AGAP3: variants seen among roughly 807,000 people sequenced by gnomAD.
AGAP3 encodes arf-GAP with GTPase, ANK repeat and PH domain-containing protein 3.
AGAP3 carries 24 observed loss-of-function variants against 96.9 expected under a neutral mutation model. The observed-to-expected ratio is 0.25, with a 90% CI of 0.18 to 0.35. AGAP3 has a LOEUF of 0.35. Among genes scored for constraint, AGAP3 ranks in the 10% least tolerant of loss-of-function variants. The probability of loss-of-function intolerance (pLI) is 1.00; values close to 1 mark genes in which losing one functional copy is unlikely to be tolerated. For missense variants in AGAP3, 876 were observed against 1,254.2 expected (o/e 0.70, Z 4.55); for synonymous variants, 563 against 536.1 (o/e 1.05, Z -0.69).
chr7:151,111,800 C>G (rs900018540), intron 1 of AGAP3, among the ~76,000 whole-genome samples: 1 of 152,134 alleles, frequency 6.6e-6, no homozygotes, highest in South Asian at 2.1e-4. Flanking sequence ...TCTTAGTCCC[C>G]CAGAAACTGC....
At chr7:151,116,880 G>A (rs372870687) in intron 2 of AGAP3, 29 bp downstream of exon 2, 86 of 1,606,602 alleles carry the variant, frequency 5.4e-5, no homozygotes, top group African/African-American at 4.7e-4. Context: ...CAGCACCGGC[G>A]GCCTGGAGCT....
At position 151,118,725 on chromosome 7, in the gene AGAP3, C is replaced by T. The variant is rs1799719479; in HGVS notation, c.969+93C>T. On this transcript the variant is annotated intron_variant, in intron 7 of 17. Transcript: ENST00000397238. The surrounding 1 kb of genome is among the most constrained non-coding windows in gnomAD (Gnocchi z 6.1). The stretch of plus-strand genomic sequence containing the variant: ...CACTTCTGCTGGCCTCCTGCTCACA[C>T]CTGTCCACCTTCCTCTGGCCTCCCA... The T allele has an allele frequency of 3.4e-6, 5 of 1,486,340 alleles. No homozygotes were observed. The highest frequency in any genetic ancestry group is 4.6e-6 in the Non-Finnish European group (5 of 1,088,940). 92.1% of individuals were successfully genotyped at this position (1,486,340 alleles called of 1,614,324 possible).
At chr7:151,119,651 G>A (rs1468727362) in intron 7 of AGAP3, among the ~76,000 whole-genome samples, 1 of 152,188 alleles carries the variant, frequency 6.6e-6, no homozygotes, top group East Asian at 1.9e-4. Flanking sequence ...TGCAGGTCAG[G>A]ACTCCAGTCT....
intron 10 of AGAP3, among the ~76,000 whole-genome samples, chr7:151,129,966 G>A (rs1333632888): frequency 1.3e-5 from 2 of 152,216 alleles, no homozygotes; most frequent in African/African-American, 4.8e-5. Context: ...GTCCCAGGTA[G>A]GAGTGCTGAG....
At chr7:151,112,776 T>A (rs1295823670) in intron 1 of AGAP3, among the ~76,000 whole-genome samples, 2 of 151,962 alleles carry the variant, frequency 1.3e-5, no homozygotes, top group East Asian at 1.9e-4. Context: ...TTTTTCATAT[T>A]TTTTTTGTAG....
At chr7:151,102,265 G>C (rs1798860944) in intron 1 of AGAP3, among the ~76,000 whole-genome samples, 1 of 152,216 alleles carries the variant, frequency 6.6e-6, no homozygotes, top group Non-Finnish European at 1.5e-5. Context: ...AGCCCAGTAG[G>C]TACTGCTAGA....
In AGAP3 at chr7:151,140,171, G is replaced by C. The variant is rs1235432136; in HGVS notation, c.1804+55G>C. On this transcript the variant is annotated intron_variant, in intron 13 of 17. Coordinates refer to ENST00000397238, the MANE Select transcript of AGAP3 (RefSeq NM_031946.7). This position sits in a 1 kb window ranked among gnomAD's most constrained non-coding sequence, Gnocchi z 5.4. ...CAGGAGGTGGGCAGTGGGACTTGGG[G>C]ATAGTACCCTAAAAGTAACACCTAT... 1.4e-6 allele frequency: 2 copies of C among 1,450,808 alleles called. No homozygotes were observed. The highest frequency in any genetic ancestry group is 2.9e-5 in the African/African-American group (2 of 68,704). The allele number at this position is 1,450,808 out of a possible 1,614,324, so 89.9% of individuals were successfully genotyped here.
At chr7:151,087,962 G>A (rs374229820) in intron 1 of AGAP3, among the ~76,000 whole-genome samples, 2 of 152,272 alleles carry the variant, frequency 1.3e-5, no homozygotes, top group African/African-American at 4.8e-5. Flanking sequence ...CGGACAGATG[G>A]GCCTCACCCT....
intron 11 of AGAP3, 113 bp downstream of exon 11, chr7:151,134,681 C>T: frequency 8.8e-7 from 1 of 1,132,760 alleles, no homozygotes; most frequent in Non-Finnish European, 1.2e-6. Flanking sequence ...TGGCCAGCAT[C>T]ACACTTCAAG....
chr7:151,138,074 T>C, intron 11 of AGAP3, 69 bp from the exon 12 acceptor site: 1 of 1,210,288 alleles, frequency 8.3e-7, no homozygotes, highest in Non-Finnish European at 1.2e-6. Context: ...GCTCTATTTT[T>C]AGGATAGTAT....
intron 1 of AGAP3, chr7:151,115,170 C>T (rs1799495785): frequency 3.9e-6 from 4 of 1,017,850 alleles, no homozygotes; most frequent in Non-Finnish European, 3.5e-6. Flanking sequence ...GGAGGTGAAC[C>T]GCCTGGAGCT....
intron 1 of AGAP3, chr7:151,090,236 TG>T (rs34304383): frequency 0.48 from 56,196 of 116,512 alleles, 12,056 homozygotes; most frequent in East Asian, 0.63. Context: ...AGTTCCCAGA[TG>T]GGGGGGGGGG....
At chr7:151,098,733 C>CTTTTTTT (rs34617813) in intron 1 of AGAP3, among the ~76,000 whole-genome samples, 8 of 116,112 alleles carry the variant, frequency 6.9e-5, no homozygotes, top group African/African-American at 1.6e-4. Flanking sequence ...ATTTTCTTTT[C>CTTTTTTT]TTTTTTTTTT....
intron 1 of AGAP3, among the ~76,000 whole-genome samples, chr7:151,104,745 C>T (rs1407856950): frequency 6.6e-6 from 1 of 152,226 alleles, no homozygotes; most frequent in African/African-American, 2.4e-5. Flanking sequence ...TCACATGAAG[C>T]ATTCACATGC....
At chr7:151,093,593 C>T (rs1798482505) in intron 1 of AGAP3, among the ~76,000 whole-genome samples, 1 of 152,210 alleles carries the variant, frequency 6.6e-6, no homozygotes, top group Non-Finnish European at 1.5e-5. Flanking sequence ...GTCGGATGTG[C>T]ATCCTTCTGG....
chr7:151,114,895 C>A lies in AGAP3; in HGVS notation c.332-1898C>A. 1 of 999,478 alleles carries A rather than the reference C, an allele frequency of 1.0e-6. No individual in the cohort carries two copies. Among genetic ancestry groups the A allele is most frequent in the African/African-American group, 1.8e-5 (1 of 57,088 alleles). 61.9% of individuals were successfully genotyped at this position (999,478 alleles called of 1,614,324 possible). A position where few individuals can be genotyped will look rare whatever the true frequency, so the allele number is the denominator to read the frequency against. ...GCCTCGGCCGGCCGCGCTGCCGCCG[C>A]CCTGCAGGCCGCCCTCTGCGCCGCC... On this transcript the variant is annotated intron_variant, in intron 1 of 17. Coordinates refer to ENST00000397238, the MANE Select transcript of AGAP3 (RefSeq NM_031946.7). The surrounding 1 kb of genome is among the most constrained non-coding windows in gnomAD (Gnocchi z 4.4).
rs1442192721 is a variant in AGAP3 at position 151,142,362 on chromosome 7, C to G, written c.2051-50C>G. The G allele has an allele frequency of 6.3e-7, 1 of 1,599,350 alleles. No individual in the cohort carries two copies. The highest frequency in any genetic ancestry group is 1.7e-5 in the Admixed American group (1 of 59,794). On this transcript the variant is annotated intron_variant, in intron 15 of 17. Transcript: ENST00000397238. This position sits in a 1 kb window ranked among gnomAD's most constrained non-coding sequence, Gnocchi z 7.5. ...GGAAGCCTTCCCTAGTTGTCCCGCG[C>G]TCTGGTGGCCTGCCTGCTGTCGCTG...
chr7:151,102,927 T>A (rs1451433742), intron 1 of AGAP3, among the ~76,000 whole-genome samples: 4 of 152,204 alleles, frequency 2.6e-5, no homozygotes, highest in African/African-American at 7.2e-5. Context: ...AAAAAATTTT[T>A]AAAAATTAGC....
Position 151,118,713 on chromosome 7 carries a change from C to T in AGAP3, c.969+81C>T, listed in dbSNP as rs1210155977. 2 of 1,538,974 alleles carry T rather than the reference C, an allele frequency of 1.3e-6. No homozygotes were observed. The highest frequency in any genetic ancestry group is 2.3e-5 in the East Asian group (1 of 44,256). ...TGTGCGTCCTGCCACTTCTGCTGGCCTCCTGCTCACACCTGTCCACCTTCC... is the reference window on the plus strand; with the variant it reads ...TGTGCGTCCTGCCACTTCTGCTGGCTTCCTGCTCACACCTGTCCACCTTCC... On this transcript the variant is annotated intron_variant, in intron 7 of 17. Transcript: ENST00000397238. The surrounding 1 kb of genome is among the most constrained non-coding windows in gnomAD (Gnocchi z 6.1).
Sources: allele counts gnomAD v4.1 joint callset (sites outside exome capture counted in the v4.1 genomes callset), GRCh38; gene constraint gnomAD v4.1.1; non-coding constraint Gnocchi (gnomAD v3.1); transcripts MANE v1.5; gene names NCBI Gene and HGNC (gene_info 2026-07-23, HGNC 2026-07-21).